The following CPQ variants were observed in gnomAD, a reference collection of about 807,000 sequenced individuals.
CPQ encodes the protein Ser-Met dipeptidase.
CPQ carries 37 observed loss-of-function variants against 45.7 expected under a neutral mutation model. The ratio of observed to expected loss-of-function variants is 0.81; its 90% CI spans 0.62 to 1.07. CPQ has a LOEUF of 1.07. Among genes scored for constraint, CPQ ranks in the 50% least tolerant of loss-of-function variants. CPQ has a pLI of 0.00. For missense variants in CPQ, 537 were observed against 572.9 expected, an observed-to-expected ratio of 0.94 and a Z score of 0.64; for synonymous variants, 186 against 205.8, an observed-to-expected ratio of 0.90 and a Z score of 0.82.
intron 4 of CPQ, among the ~76,000 whole-genome samples, chr8:96,950,590 GC>G (rs1412154192): frequency 6.6e-6 from 1 of 152,024 alleles, no homozygotes; most frequent in African/African-American, 2.4e-5. Flanking sequence ...CCATTTCCCA[GC>G]CCCCTACCAC....
intron 1 of CPQ, among the ~76,000 whole-genome samples, chr8:96,728,284 C>G (rs1017428495): frequency 6.6e-6 from 1 of 151,856 alleles, no homozygotes; most frequent in Non-Finnish European, 1.5e-5. Context: ...ATTTTTTTAA[C>G]TTGAAAAAAG....
intron 1 of CPQ, among the ~76,000 whole-genome samples, chr8:96,749,379 T>C (rs1157730748): frequency 6.6e-6 from 1 of 152,208 alleles, no homozygotes; most frequent in African/African-American, 2.4e-5. Flanking sequence ...GATGGCTGTT[T>C]GAAAAGCTTG....
At chr8:96,763,815 G>A (rs1214179098) in intron 1 of CPQ, among the ~76,000 whole-genome samples, 3 of 152,094 alleles carry the variant, frequency 2.0e-5, no homozygotes, top group Non-Finnish European at 4.4e-5. Flanking sequence ...TTAGAGAAAT[G>A]TAAAATAAAA....
chr8:96,939,171 G>A (rs1030462680), intron 4 of CPQ, among the ~76,000 whole-genome samples: 11 of 152,024 alleles, frequency 7.2e-5, no homozygotes, highest in African/African-American at 2.4e-4. Context: ...TAATACCATC[G>A]ACCTTAGTCA....
At chr8:96,835,600 T>C (rs1048887174) in intron 3 of CPQ, among the ~76,000 whole-genome samples, 8 of 152,192 alleles carry the variant, frequency 5.3e-5, no homozygotes, top group Non-Finnish European at 8.8e-5. Context: ...ATGGGGGCCA[T>C]CTATGGTATA....
chr8:96,799,002 A>G (rs1810970871), intron 2 of CPQ, among the ~76,000 whole-genome samples: 1 of 152,198 alleles, frequency 6.6e-6, no homozygotes, highest in South Asian at 2.1e-4. Context: ...TAAAAAGGAT[A>G]TTTGAAAACT....
chr8:96,946,019 A>T (rs541805070), intron 4 of CPQ, among the ~76,000 whole-genome samples: 2 of 152,258 alleles, frequency 1.3e-5, no homozygotes, highest in South Asian at 4.2e-4. Flanking sequence ...TGTTGATGAT[A>T]CCAGCATCAC....
At chr8:96,760,653 G>A (rs1810389041) in intron 1 of CPQ, among the ~76,000 whole-genome samples, 1 of 152,108 alleles carries the variant, frequency 6.6e-6, no homozygotes, top group Non-Finnish European at 1.5e-5. Context: ...GAACTCATAA[G>A]AGAACCCAAA....
intron 1 of CPQ, among the ~76,000 whole-genome samples, chr8:96,724,014 TCTTTATAC>T (rs2130764906): frequency 6.6e-6 from 1 of 152,172 alleles, no homozygotes; most frequent in South Asian, 2.1e-4. Flanking sequence ...CAGTAATCTG[TCTTTATAC>T]CTCACCAACC....
In CPQ at chr8:97,051,196, G is replaced by C. The variant is rs574289559; in HGVS notation, c.1054-14813G>C. ...CCAACAGAGGTTCTTGACCATTGCT[G>C]TGCCACAGGCCACTTTGGTAATCTG... On this transcript the variant is annotated intron_variant, in intron 6 of 7. Coordinates refer to ENST00000220763, the MANE Select transcript of CPQ (RefSeq NM_016134.4). Among the ~76,000 whole-genome samples the C allele has an allele frequency of 3.3e-5, 5 of 152,244 alleles. No homozygotes were observed. The East Asian group carries it at 9.7e-4, about 29-fold the overall frequency.
At chr8:96,931,339 T>G (rs1812972358) in intron 4 of CPQ, among the ~76,000 whole-genome samples, 1 of 152,250 alleles carries the variant, frequency 6.6e-6, no homozygotes, top group Middle Eastern at 3.2e-3. Flanking sequence ...AAAGAAGTTT[T>G]GGCAAAAAAT....
intron 5 of CPQ, among the ~76,000 whole-genome samples, chr8:97,014,175 G>C (rs540480051): frequency 3.9e-5 from 6 of 152,158 alleles, no homozygotes; most frequent in Non-Finnish European, 8.8e-5. Flanking sequence ...CAATTCAAAG[G>C]GCTTAAATTA....
At chr8:97,135,217 A>T (rs1271130785) in intron 7 of CPQ, among the ~76,000 whole-genome samples, 3 of 152,106 alleles carry the variant, frequency 2.0e-5, no homozygotes, top group Non-Finnish European at 4.4e-5. Flanking sequence ...AGAGTTAGAA[A>T]CTAAAAGTAG....
chr8:96,758,823 A>C (rs913043181), intron 1 of CPQ, among the ~76,000 whole-genome samples: 2 of 152,064 alleles, frequency 1.3e-5, no homozygotes, highest in Non-Finnish European at 2.9e-5. Context: ...TTTATGTCCA[A>C]AGTCCTTCAC....
chr8:96,768,614 G>A (rs938885459), intron 1 of CPQ, among the ~76,000 whole-genome samples: 4 of 152,176 alleles, frequency 2.6e-5, no homozygotes, highest in Non-Finnish European at 4.4e-5. Context: ...ACAGTGTGTA[G>A]CTAGACGATG....
At chr8:96,808,089 G>C (rs553511111) in intron 2 of CPQ, among the ~76,000 whole-genome samples, 1 of 152,096 alleles carries the variant, frequency 6.6e-6, no homozygotes, top group African/African-American at 2.4e-5. Flanking sequence ...AGTTGCTGTT[G>C]AATACAGATG....
At chr8:96,830,105 C>T (rs1389959903) in intron 2 of CPQ, among the ~76,000 whole-genome samples, 1 of 152,098 alleles carries the variant, frequency 6.6e-6, no homozygotes, top group African/African-American at 2.4e-5. Flanking sequence ...TTGCATAGTG[C>T]ACACATTAGA....
At chr8:96,865,378 A>G (rs1382271453) in intron 3 of CPQ, among the ~76,000 whole-genome samples, 1 of 151,868 alleles carries the variant, frequency 6.6e-6, no homozygotes, top group African/African-American at 2.4e-5. Flanking sequence ...TGTCTTAGGG[A>G]AGAATAACAG....
rs778172197 is a variant in CPQ, at chr8:97,049,544, ATAG to A, written c.1054-16461_1054-16459del. On this transcript the variant is annotated intron_variant, in intron 6 of 7. Coordinates refer to ENST00000220763, the MANE Select transcript of CPQ (RefSeq NM_016134.4). ...TGCATTCTCAAATTTAAACTAGAAA[ATAG>A]TAGAGCTTGAGGAAGGGGAGTGGAA... 1.8e-4 allele frequency among the ~76,000 whole-genome samples: 28 copies of A among 152,326 alleles called. No individual in the cohort carries two copies. In the South Asian group the frequency reaches 2.1e-3, roughly 11 times the overall value.
Sources: gnomAD v4.1 joint callset for allele counts (sites outside exome capture counted in the v4.1 genomes callset) on GRCh38, gnomAD v4.1.1 for gene constraint, MANE v1.5 for transcripts, NCBI Gene and HGNC (gene_info 2026-07-23, HGNC 2026-07-21) for gene names.